Variants in FGD5 observed in about 807,000 individuals in gnomAD.
FGD5 encodes FYVE, RhoGEF and PH domain-containing protein 5.
Under a neutral mutation model 133.4 loss-of-function variants are expected in FGD5, and 28 were observed. The observed-to-expected ratio is 0.21, with a 90% CI of 0.16 to 0.29. FGD5 has a LOEUF of 0.29. Among genes scored for constraint, FGD5 ranks in the 10% least tolerant of loss-of-function variants. The pLI, the probability that FGD5 is intolerant of heterozygous loss-of-function variation, is 1.00. For synonymous variants in FGD5, 810 were observed against 776.5 expected (o/e 1.04, Z -0.72); for missense variants, 1,858 against 1,895.2 (o/e 0.98, Z 0.36).
At chr3:14,923,986 A>G in intron 16 of FGD5, 22 bp from the exon 17 acceptor site, 1 of 1,613,690 alleles carries the variant, frequency 6.2e-7, no homozygotes, top group Non-Finnish European at 8.5e-7. Context: ...CCTCCCTTCC[A>G]TGTGGCTTCT....
intron 2 of FGD5, among the ~76,000 whole-genome samples, chr3:14,874,740 G>A (rs2037683577): frequency 6.6e-6 from 1 of 152,190 alleles, no homozygotes; most frequent in Admixed American, 6.5e-5. Context: ...ATAGCATGCT[G>A]CTTCTGCAAA....
chr3:14,875,433 A>G (rs1277973138), intron 2 of FGD5, among the ~76,000 whole-genome samples: 1 of 152,196 alleles, frequency 6.6e-6, no homozygotes, highest in Non-Finnish European at 1.5e-5. Context: ...TTCTGGGCAC[A>G]GGAAACTGTG....
chr3:14,896,573 C>T (rs904374269), intron 4 of FGD5, among the ~76,000 whole-genome samples: 4 of 151,922 alleles, frequency 2.6e-5, no homozygotes, highest in Admixed American at 6.6e-5. Context: ...TGGGTTCAAG[C>T]GATTCTCGTG....
chr3:14,924,918 A>G (rs1353419906), intron 17 of FGD5, among the ~76,000 whole-genome samples: 2 of 151,898 alleles, frequency 1.3e-5, no homozygotes, highest in Non-Finnish European at 2.9e-5. Context: ...TGGCTAACAC[A>G]GTGAAACCCC....
intron 1 of FGD5, among the ~76,000 whole-genome samples, chr3:14,840,055 T>C (rs1353137018): frequency 1.3e-5 from 2 of 152,112 alleles, no homozygotes; most frequent in African/African-American, 4.8e-5. Flanking sequence ...GAGTCCTGGT[T>C]CTCCAGCCCC....
chr3:14,925,196 T>C (rs1006118831), intron 17 of FGD5, among the ~76,000 whole-genome samples: 8 of 151,178 alleles, frequency 5.3e-5, no homozygotes, highest in Non-Finnish European at 8.8e-5. Context: ...AGTGAGTTTC[T>C]CATCCTTCCC....
At chr3:14,821,934 T>C (rs900915726) in intron 1 of FGD5, among the ~76,000 whole-genome samples, 1 of 152,058 alleles carries the variant, frequency 6.6e-6, no homozygotes, top group African/African-American at 2.4e-5. Flanking sequence ...ACCCCGTCTC[T>C]ACTAAAAATA....
intron 1 of FGD5, among the ~76,000 whole-genome samples, chr3:14,858,396 T>TGG (rs397759115): frequency 1.4e-4 from 21 of 150,874 alleles, no homozygotes; most frequent in East Asian, 5.8e-4. Flanking sequence ...GATGGATGGA[T>TGG]AGATAGATGA....
In FGD5 at chr3:14,819,827, G is replaced by T; in HGVS notation, c.756G>T (p.Glu252Asp). 1.2e-6 allele frequency: 2 copies of T among 1,602,820 alleles called. No homozygotes were observed. The highest frequency in any genetic ancestry group is 1.7e-6 in the Non-Finnish European group (2 of 1,174,838). The change falls in exon 1 of 20, where the codon GAG becomes GAT. Residue 252 changes from glutamate to aspartate, a missense_variant. By Grantham distance (45) the Glu-to-Asp change is conservative (BLOSUM62 2). Around this residue, in one of 3 missense-constraint regions of FGD5, gnomAD observed 1,824 missense variants for 1,848.9 expected, o/e 0.99. Coordinates refer to ENST00000285046, the MANE Select transcript of FGD5 (RefSeq NM_152536.4). The surrounding 1 kb of genome is among the most constrained non-coding windows in gnomAD (Gnocchi z 4.1). ...AGGATGCTGAGGACACCAGTGAGGA[G>T]CCCCCTGAGAAGGAGGAGCTGGCCG... is the stretch of plus-strand genomic sequence containing the variant. ...MGQDAEDTSEEPPEKEELAGV... is the reference protein window; with the variant it reads ...MGQDAEDTSEDPPEKEELAGV...
intron 16 of FGD5, 147 bp downstream of exon 16, chr3:14,923,322 C>T (rs918502215): frequency 6.3e-6 from 7 of 1,114,244 alleles, no homozygotes; most frequent in East Asian, 2.6e-5. Flanking sequence ...AACAGAGGTT[C>T]GGGCACCATT....
chr3:14,873,812 C>T (rs1236761441), intron 2 of FGD5, among the ~76,000 whole-genome samples: 1 of 151,846 alleles, frequency 6.6e-6, no homozygotes, highest in Non-Finnish European at 1.5e-5. Context: ...ACCTCCGCCT[C>T]CCGGGTTCAA....
At chr3:14,931,693 T>C (rs1440829310) in intron 18 of FGD5, 1 of 152,246 alleles carries the variant, frequency 6.6e-6, no homozygotes, top group Non-Finnish European at 1.5e-5. Flanking sequence ...AAGATCCATC[T>C]GTGTTCTTTG....
In FGD5 at chr3:14,819,376, G is replaced by A; in HGVS notation, c.305G>A (p.Arg102His). Residue 102 changes from arginine to histidine, a missense_variant, in exon 1 of 20, where the codon CGT becomes CAT. By Grantham distance (29) the Arg-to-His change is conservative. Transcript: ENST00000285046. The surrounding 1 kb of genome is among the most constrained non-coding windows in gnomAD (Gnocchi z 4.1). ...PESSAEEEEE[R>H]EEGGEACGLE... ...TCCTCTGCGGAAGAGGAAGAGGAGC[G>A]TGAAGAGGGAGGCGAGGCATGTGGC... is the stretch of plus-strand genomic sequence containing the variant. The A allele has an allele frequency of 1.2e-5, 19 of 1,549,782 alleles. No individual in the cohort carries two copies. The highest frequency in any genetic ancestry group is 1.5e-5 in the Non-Finnish European group (17 of 1,146,072).
In FGD5 at chr3:14,917,238, C is replaced by G. The variant is rs777000821; in HGVS notation, c.3406-11C>G. ...GGCCAGGGTCCTCTCATAGGGTTTCCCTCTCTCCAGATGAACGATGTGCTC... is the reference window on the plus strand; with the variant it reads ...GGCCAGGGTCCTCTCATAGGGTTTCGCTCTCTCCAGATGAACGATGTGCTC... On this transcript the variant is annotated splice_polypyrimidine_tract_variant and intron_variant, in intron 11 of 19. Coordinates refer to ENST00000285046, the MANE Select transcript of FGD5 (RefSeq NM_152536.4). The surrounding 1 kb of genome is among the most constrained non-coding windows in gnomAD (Gnocchi z 4.1). 1 of 1,612,012 alleles carries G rather than the reference C, an allele frequency of 6.2e-7. No homozygotes were observed. The highest frequency in any genetic ancestry group is 2.2e-5 in the East Asian group (1 of 44,804).
intron 18 of FGD5, 184 bp from the exon 19 acceptor site, chr3:14,932,393 C>A: frequency 4.5e-5 from 25 of 560,334 alleles, no homozygotes; most frequent in East Asian, 1.1e-4. Flanking sequence ...AGTGTCGTTT[C>A]TTTCCTTCCT....
At chr3:14,892,634 A>G (rs1179981496) in intron 4 of FGD5, among the ~76,000 whole-genome samples, 4 of 152,176 alleles carry the variant, frequency 2.6e-5, no homozygotes, top group Non-Finnish European at 5.9e-5. Flanking sequence ...CCTTGCCAAC[A>G]TGGTGAAACT....
chr3:14,819,375 C>G lies in FGD5; in HGVS notation c.304C>G (p.Arg102Gly). Residue 102 changes from arginine (R) to glycine (G), a missense_variant, in exon 1 of 20, where the codon CGT becomes GGT. Coordinates refer to ENST00000285046, the MANE Select transcript of FGD5 (RefSeq NM_152536.4). This position sits in a 1 kb window ranked among gnomAD's most constrained non-coding sequence, Gnocchi z 4.1. The part of the protein sequence containing the change: ...PESSAEEEEE[R>G]EEGGEACGLE... ...GTCCTCTGCGGAAGAGGAAGAGGAGCGTGAAGAGGGAGGCGAGGCATGTGG... is the reference window on the plus strand; with the variant it reads ...GTCCTCTGCGGAAGAGGAAGAGGAGGGTGAAGAGGGAGGCGAGGCATGTGG... The G allele has an allele frequency of 6.5e-7, 1 of 1,549,460 alleles. No homozygotes were observed. The highest frequency in any genetic ancestry group is 1.2e-5 in the South Asian group (1 of 83,604).
rs1339527092 is a variant in FGD5, at chr3:14,832,621, C to T, written c.2525+11025C>T. Among the ~76,000 whole-genome samples the T allele has an allele frequency of 6.6e-5, 10 of 151,998 alleles. No homozygotes were observed. In the East Asian group the frequency reaches 1.7e-3, roughly 26 times the overall value. ...AAGAGAAAACTGAGGTTCAGAGTGG[C>T]GGCATGACTTTTAAGCCAGTAAGAA... On this transcript the variant is annotated intron_variant, in intron 1 of 19. Coordinates refer to ENST00000285046, the MANE Select transcript of FGD5 (RefSeq NM_152536.4).
chr3:14,811,364 G>A (rs1313504349), intron 1 of FGD5: 1 of 152,278 alleles, frequency 6.6e-6, no homozygotes, highest in Non-Finnish European at 1.5e-5. Context: ...ATACCGGAAG[G>A]AGGATTCCTG....
Sources: allele counts gnomAD v4.1 joint callset (sites outside exome capture counted in the v4.1 genomes callset), GRCh38; gene constraint gnomAD v4.1.1; regional missense constraint gnomAD v4.1.1; non-coding constraint Gnocchi (gnomAD v3.1); transcripts MANE v1.5; gene names NCBI Gene and HGNC (gene_info 2026-07-23, HGNC 2026-07-21).